The following BBS9 variants were observed in gnomAD, a reference collection of about 807,000 sequenced individuals.
BBS9 encodes the protein protein PTHB1.
In BBS9, 89 loss-of-function variants were observed where a neutral mutation model predicts 117.7. The ratio of observed to expected loss-of-function variants is 0.76; its 90% CI spans 0.64 to 0.90. The LOEUF (loss-of-function observed/expected upper bound fraction) is 0.90, where lower values mean the gene tolerates loss of function less well. Among genes scored for constraint, BBS9 ranks in the 40% least tolerant of loss-of-function variants. BBS9 has a pLI of 0.00. For synonymous variants in BBS9, 379 were observed against 370.9 expected (o/e 1.02, Z -0.25); for missense variants, 982 against 1,042.2 (o/e 0.94, Z 0.80).
At chr7:33,137,080 C>A (rs990275576) in intron 1 of BBS9, among the ~76,000 whole-genome samples, 2 of 151,992 alleles carry the variant, frequency 1.3e-5, no homozygotes, top group Admixed American at 1.3e-4. Context: ...TGGATTATAC[C>A]CAAGCCCTCA....
chr7:33,390,220 G>A, intron 19 of BBS9: 2 of 984,146 alleles, frequency 2.0e-6, no homozygotes, highest in Non-Finnish European at 2.4e-6. Context: ...ATTTAATGAT[G>A]CTGTATCTTT....
intron 21 of BBS9, among the ~76,000 whole-genome samples, chr7:33,541,685 A>G (rs1852328367): frequency 6.6e-6 from 1 of 152,246 alleles, no homozygotes; most frequent in African/African-American, 2.4e-5. Context: ...GGTAAGCGAA[A>G]GAAGCCAGTC....
At chr7:33,219,259 C>T (rs189526100) in intron 5 of BBS9, among the ~76,000 whole-genome samples, 2,019 of 152,316 alleles carry the variant, frequency 0.013, 49 homozygotes, top group African/African-American at 0.047. Flanking sequence ...AGCCTCCCAC[C>T]CCCTCCGTGG....
At chr7:33,149,188 C>T (rs1792909762) in intron 2 of BBS9, among the ~76,000 whole-genome samples, 1 of 152,004 alleles carries the variant, frequency 6.6e-6, no homozygotes, top group African/African-American at 2.4e-5. Context: ...GGAGCAGGGA[C>T]CCAGAGAGGA....
Position 33,565,844 on chromosome 7 carries a change from T to TATATATATATATATATA in BBS9, c.2521+31668_2521+31669insATATATATATATATATA, listed in dbSNP as rs5883407. 5.7e-4 allele frequency among the ~76,000 whole-genome samples: 46 copies of TATATATATATATATATA among 80,002 alleles called. 1 individual carries two copies. Among genetic ancestry groups the TATATATATATATATATA allele is most frequent in the Non-Finnish European group, 6.5e-4 (28 of 43,106 alleles). The allele number at this position is 80,002 out of a possible 152,430, so 52.5% of individuals were successfully genotyped here. A position where few individuals can be genotyped will look rare whatever the true frequency, so the allele number is the denominator to read the frequency against. On this transcript the variant is annotated intron_variant, in intron 21 of 22. Transcript: ENST00000242067. ...ATATATATACCGCTATATATACTGC[T>TATATATATATATATATA]TATATATATATATATATATATATAT...
At chr7:33,603,086 C>G (rs1236877648) in intron 21 of BBS9, among the ~76,000 whole-genome samples, 2 of 152,148 alleles carry the variant, frequency 1.3e-5, no homozygotes, top group Non-Finnish European at 2.9e-5. Context: ...AAGCACATGG[C>G]AGCTGTCTTA....
At chr7:33,408,096 C>G (rs910988440) in intron 19 of BBS9, among the ~76,000 whole-genome samples, 1 of 152,232 alleles carries the variant, frequency 6.6e-6, no homozygotes. Flanking sequence ...CCACCCAGTT[C>G]GAGCTTCCTG....
Position 33,433,703 on chromosome 7 carries a change from A to G in BBS9, c.2115+45559A>G, listed in dbSNP as rs188641161. On this transcript the variant is annotated intron_variant, in intron 19 of 22. Transcript: ENST00000242067. The stretch of plus-strand genomic sequence containing the variant: ...CATAGAAGAGACTTCTTTGTAGAGT[A>G]GATCTTTTTTATTTTGTTGGTGCCA... Among the ~76,000 whole-genome samples the G allele has an allele frequency of 1.9e-3, 288 of 152,274 alleles. 1 individual carries two copies. The highest frequency in any genetic ancestry group is 6.2e-3 in the African/African-American group (258 of 41,580).
chr7:33,282,522 C>T (rs1409347851), intron 9 of BBS9, among the ~76,000 whole-genome samples: 1 of 152,098 alleles, frequency 6.6e-6, no homozygotes, highest in Non-Finnish European at 1.5e-5. Flanking sequence ...CAGGTGCCCG[C>T]CACCATGACT....
At chr7:33,358,056 CCTT>C in intron 16 of BBS9, 61 bp downstream of exon 16, 1 of 1,549,666 alleles carries the variant, frequency 6.5e-7, no homozygotes, top group South Asian at 1.1e-5. Flanking sequence ...AGAATGGAAT[CCTT>C]CATCAGCAGA....
At position 33,431,681 on chromosome 7, in the gene BBS9, C is replaced by T. The variant is rs372285260; in HGVS notation, c.2115+43537C>T. 2.1e-4 allele frequency among the ~76,000 whole-genome samples: 32 copies of T among 152,120 alleles called. 2 individuals are homozygous for T. Among genetic ancestry groups the T allele is most frequent in the East Asian group, 1.2e-3 (6 of 5,182 alleles). The stretch of plus-strand genomic sequence containing the variant: ...TTTGATCTTGGAATTTCCAGCCACC[C>T]GTACTGTGAGAAATAGATTTCTGTT... On this transcript the variant is annotated intron_variant, in intron 19 of 22. Coordinates refer to ENST00000242067, the MANE Select transcript of BBS9 (RefSeq NM_198428.3).
At chr7:33,409,541 G>A (rs980146622) in intron 19 of BBS9, among the ~76,000 whole-genome samples, 1 of 152,164 alleles carries the variant, frequency 6.6e-6, no homozygotes, top group South Asian at 2.1e-4. Flanking sequence ...GTACCCTGCT[G>A]TTTTGGTTAC....
chr7:33,481,202 C>T (rs1842473772), intron 19 of BBS9, among the ~76,000 whole-genome samples: 1 of 152,088 alleles, frequency 6.6e-6, no homozygotes, highest in South Asian at 2.1e-4. Flanking sequence ...AGGAAAAATA[C>T]AAGTTAATGT....
At chr7:33,481,047 A>G (rs1052737795) in intron 19 of BBS9, among the ~76,000 whole-genome samples, 1 of 152,196 alleles carries the variant, frequency 6.6e-6, no homozygotes, top group Admixed American at 6.5e-5. Flanking sequence ...TTGTTTATAA[A>G]TTATCCAGTC....
chr7:33,304,557 G>A (rs1807446365), intron 9 of BBS9, among the ~76,000 whole-genome samples: 1 of 151,950 alleles, frequency 6.6e-6, no homozygotes, highest in Admixed American at 6.5e-5. Flanking sequence ...TCTGGGAAGT[G>A]AGGAGCGCCT....
At chr7:33,548,563 G>A (rs574802691) in intron 21 of BBS9, among the ~76,000 whole-genome samples, 115 of 134,766 alleles carry the variant, frequency 8.5e-4, no homozygotes, top group Non-Finnish European at 1.5e-3. Context: ...TGATCTCATT[G>A]TTCAATTCCC....
At chr7:33,491,878 A>T (rs1397528374) in intron 19 of BBS9, among the ~76,000 whole-genome samples, 1 of 152,136 alleles carries the variant, frequency 6.6e-6, no homozygotes, top group Admixed American at 6.6e-5. Context: ...GGTATATGAC[A>T]TTTTTTGAAT....
chr7:33,292,528 A>G (rs1027401093), intron 9 of BBS9, among the ~76,000 whole-genome samples: 1 of 152,134 alleles, frequency 6.6e-6, no homozygotes, highest in African/African-American at 2.4e-5. Context: ...CACACCATCT[A>G]TTTGTGGAAC....
At chr7:33,272,373 CAGTAT>C (rs1266111335) in intron 7 of BBS9, among the ~76,000 whole-genome samples, 7 of 152,096 alleles carry the variant, frequency 4.6e-5, no homozygotes, top group Non-Finnish European at 8.8e-5. Context: ...AAACTGAAAA[CAGTAT>C]ATGCCTTTCT....
Sources: gnomAD v4.1 joint callset for allele counts (sites outside exome capture counted in the v4.1 genomes callset) on GRCh38, gnomAD v4.1.1 for gene constraint, MANE v1.5 for transcripts, NCBI Gene and HGNC (gene_info 2026-07-23, HGNC 2026-07-21) for gene names.